MTERF2: variants seen among roughly 807,000 people sequenced by gnomAD.
MTERF2 encodes the protein transcription termination factor 2, mitochondrial.
MTERF2 carries 23 observed loss-of-function variants against 29.2 expected under a neutral mutation model. The observed-to-expected ratio is 0.79, with a 90% CI of 0.57 to 1.12. The LOEUF is 1.12. MTERF2 is among the 50% of genes most tolerant of loss of function. The probability of loss-of-function intolerance (pLI) is 0.00; values close to 1 mark genes in which losing one functional copy is unlikely to be tolerated. For missense variants in MTERF2, 440 were observed against 429.4 expected, an observed-to-expected ratio of 1.02 and a Z score of -0.22; for synonymous variants, 157 against 159.5, an observed-to-expected ratio of 0.98 and a Z score of 0.12.
At position 106,978,609 on chromosome 12, in the gene MTERF2, T is replaced by TATAG; in HGVS notation, c.102_105dup (p.Thr36LeufsTer4). The TATAG allele has an allele frequency of 6.2e-7, 1 of 1,614,194 alleles. No homozygotes were observed. Among genetic ancestry groups the TATAG allele is most frequent in the Non-Finnish European group, 8.5e-7 (1 of 1,180,042 alleles). On this transcript the variant is annotated frameshift_variant, in exon 3 of 3. Coordinates refer to ENST00000240050, the MANE Select transcript of MTERF2 (RefSeq NM_001033050.3). LOFTEE classifies it high-confidence loss of function. ...TCTTTGCTCGACTGTTTATCAGTTGTATAGGTGAAGCATGCTAAGAAAGGT... is the reference window on the plus strand; with the variant it reads ...TCTTTGCTCGACTGTTTATCAGTTGTATAGATAGGTGAAGCATGCTAAGAAAGGT...
chr12:106,985,201 G>A lies in MTERF2; in HGVS notation c.-144C>T, dbSNP rs1285745001. On this transcript the variant is annotated 5_prime_UTR_variant, in exon 2 of 3. Transcript: ENST00000240050. The stretch of plus-strand genomic sequence containing the variant: ...TCTTTCCAACTTCTTCTCAAAATGT[G>A]ATCTTGTCAGTTCCCTGCAATAAAC... 6.6e-6 allele frequency: 1 copy of A among 152,230 alleles called. No homozygotes were observed. The highest frequency in any genetic ancestry group is 1.9e-4 in the East Asian group (1 of 5,192). The allele number at this position is 152,230 out of a possible 1,614,324, so 9.4% of individuals were successfully genotyped here. A position where few individuals can be genotyped will look rare whatever the true frequency, so the allele number is the denominator to read the frequency against.
intron 2 of MTERF2, among the ~76,000 whole-genome samples, chr12:106,981,377 G>A (rs1355043250): frequency 5.3e-5 from 8 of 152,218 alleles, no homozygotes; most frequent in Admixed American, 5.2e-4. Flanking sequence ...TAAAATGCAT[G>A]TCAAATACTT....
chr12:106,979,232 T>C (rs1018039490), intron 2 of MTERF2, among the ~76,000 whole-genome samples: 5 of 152,186 alleles, frequency 3.3e-5, no homozygotes, highest in African/African-American at 1.2e-4. Context: ...GCCTGTATTA[T>C]GCACACACAC....
chr12:106,977,300 A>T lies in MTERF2; in HGVS notation c.*257T>A. ...GATTCACTTATAAAGTATCACACTG[A>T]TATGCCATTTAATAGTATATGAGTT... On this transcript the variant is annotated 3_prime_UTR_variant, in exon 3 of 3. Coordinates refer to ENST00000240050, the MANE Select transcript of MTERF2 (RefSeq NM_001033050.3). 1 of 313,784 alleles carries T rather than the reference A, an allele frequency of 3.2e-6. No individual in the cohort carries two copies. Among genetic ancestry groups the T allele is most frequent in the South Asian group, 7.3e-5 (1 of 13,744 alleles). 19.4% of individuals were successfully genotyped at this position (313,784 alleles called of 1,614,324 possible). A position where few individuals can be genotyped will look rare whatever the true frequency, so the allele number is the denominator to read the frequency against.
intron 2 of MTERF2, among the ~76,000 whole-genome samples, chr12:106,983,227 A>G (rs983814664): frequency 2.0e-5 from 3 of 152,142 alleles, no homozygotes; most frequent in African/African-American, 4.8e-5. Flanking sequence ...TCAGTGGCTT[A>G]AAGTATAGTC....
In MTERF2 at chr12:106,977,511, T is replaced by TA; in HGVS notation, c.*45dup. The TA allele has an allele frequency of 6.5e-7, 1 of 1,528,858 alleles. No individual in the cohort carries two copies. Among genetic ancestry groups the TA allele is most frequent in the East Asian group, 2.3e-5 (1 of 44,436 alleles). 94.7% of individuals were successfully genotyped at this position (1,528,858 alleles called of 1,614,324 possible). On this transcript the variant is annotated 3_prime_UTR_variant, in exon 3 of 3. Transcript: ENST00000240050. The stretch of plus-strand genomic sequence containing the variant: ...TGCCTGAATTTTTGTCTTTGCTAGT[T>TA]AGTTTCACCCTGCACTGCTAGAAAG...
At chr12:106,981,388 T>C (rs1263103928) in intron 2 of MTERF2, among the ~76,000 whole-genome samples, 1 of 152,240 alleles carries the variant, frequency 6.6e-6, no homozygotes, top group Non-Finnish European at 1.5e-5. Context: ...TCAAATACTT[T>C]GCACAATGCC....
In MTERF2 at chr12:106,977,985, T is replaced by A; in HGVS notation, c.730A>T (p.Ile244Phe). The change falls in exon 3 of 3, where the codon ATT becomes TTT. Residue 244 changes from isoleucine (I) to phenylalanine (F), a missense_variant. By Grantham distance (21) the Ile-to-Phe change is conservative. Coordinates refer to ENST00000240050, the MANE Select transcript of MTERF2 (RefSeq NM_001033050.3). ...TTGAGTTTGGATAGAAGCTGGAGAA[T>A]TTCAAAGCTGGTGAAACCTTGCTCC... ...LQEQGFTSFE[I>F]LQLLSKLKGF... The A allele has an allele frequency of 3.1e-6, 5 of 1,614,196 alleles. No individual in the cohort carries two copies. Among genetic ancestry groups the A allele is most frequent in the Non-Finnish European group, 4.2e-6 (5 of 1,180,028 alleles).
chr12:106,983,165 A>G (rs1024827028), intron 2 of MTERF2, among the ~76,000 whole-genome samples: 3 of 152,196 alleles, frequency 2.0e-5, no homozygotes, highest in African/African-American at 7.2e-5. Flanking sequence ...TAATTGTAGT[A>G]AGATATAAAT....
At position 106,978,895 on chromosome 12, in the gene MTERF2, CAT is replaced by C. The variant is rs372998069; in HGVS notation, c.-57-126_-57-125del. Reference sequence around the variant, plus strand: ...ATTTAAATTAGACAAGAAAACTGCTCATGTGGAATATTTTTAAAAATCTTCCT... The same window carrying C: ...ATTTAAATTAGACAAGAAAACTGCTCGTGGAATATTTTTAAAAATCTTCCT... On this transcript the variant is annotated intron_variant, in intron 2 of 2. Transcript: ENST00000240050. 5.0e-4 allele frequency: 261 copies of C among 521,750 alleles called. 1 individual carries two copies. The highest frequency in any genetic ancestry group is 4.7e-3 in the African/African-American group (240 of 51,054). The allele number at this position is 521,750 out of a possible 1,614,324, so 32.3% of individuals were successfully genotyped here. A position where few individuals can be genotyped will look rare whatever the true frequency, so the allele number is the denominator to read the frequency against.
At chr12:106,983,652 TG>T (rs1952077464) in intron 2 of MTERF2, among the ~76,000 whole-genome samples, 1 of 152,224 alleles carries the variant, frequency 6.6e-6, no homozygotes, top group Non-Finnish European at 1.5e-5. Flanking sequence ...TTTCTGGGTG[TG>T]AGCTGAGAAT....
intron 2 of MTERF2, among the ~76,000 whole-genome samples, chr12:106,980,982 T>TA (rs1952046472): frequency 1.3e-5 from 2 of 152,218 alleles, no homozygotes; most frequent in South Asian, 4.1e-4. Context: ...AGATAATTCC[T>TA]AATACTGTTA....
At chr12:106,986,293 T>C (rs1952115298) in intron 1 of MTERF2, 1 of 152,170 alleles carries the variant, frequency 6.6e-6, no homozygotes, top group Admixed American at 6.5e-5. Flanking sequence ...AAAATGGTGA[T>C]ACTATCTCCT....
intron 1 of MTERF2, chr12:106,986,161 G>A (rs906416980): frequency 2.6e-5 from 4 of 152,104 alleles, no homozygotes; most frequent in Admixed American, 1.3e-4. Context: ...AAGTGGATGC[G>A]GTACATTAAT....
chr12:106,984,888 G>C (rs12316137), intron 2 of MTERF2, among the ~76,000 whole-genome samples: 6,588 of 152,126 alleles, frequency 0.043, 446 homozygotes, highest in African/African-American at 0.15. Flanking sequence ...CATGAAAAAG[G>C]ACTAATACAA....
chr12:106,980,022 C>T lies in MTERF2; in HGVS notation c.-57-1251G>A, dbSNP rs181681162. ...AAGTGATTCTCCTGCCTCAGCCTCCCGAGTAGCTGGGACTACAGGTGTGTG... is the reference window on the plus strand; with the variant it reads ...AAGTGATTCTCCTGCCTCAGCCTCCTGAGTAGCTGGGACTACAGGTGTGTG... On this transcript the variant is annotated intron_variant, in intron 2 of 2. Coordinates refer to ENST00000240050, the MANE Select transcript of MTERF2 (RefSeq NM_001033050.3). Among the ~76,000 whole-genome samples, 273 of 152,210 alleles carry T rather than the reference C, an allele frequency of 1.8e-3. 2 individuals are homozygous for T. Among genetic ancestry groups the T allele is most frequent in the African/African-American group, 6.2e-3 (258 of 41,524 alleles).
intron 2 of MTERF2, 129 bp from the exon 3 acceptor site, chr12:106,978,900 G>A: frequency 3.9e-6 from 2 of 510,768 alleles, no homozygotes; most frequent in Admixed American, 7.5e-5. Flanking sequence ...CTGCTCATGT[G>A]GAATATTTTT....
chr12:106,979,925 GTCTC>G lies in MTERF2; in HGVS notation c.-57-1158_-57-1155del, dbSNP rs950482024. On this transcript the variant is annotated intron_variant, in intron 2 of 2. Coordinates refer to ENST00000240050, the MANE Select transcript of MTERF2 (RefSeq NM_001033050.3). ...TTAACTTTATTTATTTTGAGACAGA[GTCTC>G]TCTCTGTTGCCAGGCTGGAATGCAG... Among the ~76,000 whole-genome samples, 7 of 152,146 alleles carry G rather than the reference GTCTC, an allele frequency of 4.6e-5. No homozygotes were observed. The East Asian group carries it at 1.4e-3, about 29-fold the overall frequency.
intron 2 of MTERF2, among the ~76,000 whole-genome samples, chr12:106,979,514 C>T (rs1180296548): frequency 3.3e-5 from 5 of 152,076 alleles, no homozygotes; most frequent in African/African-American, 1.2e-4. Context: ...CTAAGGTGGG[C>T]GGATCACCTG....
Sources: allele counts gnomAD v4.1 joint callset (sites outside exome capture counted in the v4.1 genomes callset), GRCh38; gene constraint gnomAD v4.1.1; transcripts MANE v1.5; gene names NCBI Gene and HGNC (gene_info 2026-07-23, HGNC 2026-07-21).